CFAP61: variants seen among roughly 807,000 people sequenced by gnomAD.
CFAP61 encodes the protein cilia- and flagella-associated protein 61.
In CFAP61, 107 loss-of-function variants were observed where a neutral mutation model predicts 135.6. The observed-to-expected ratio is 0.79, with a 90% CI of 0.67 to 0.93. CFAP61 has a LOEUF of 0.93. CFAP61 is among the 40% of genes least tolerant of loss of function. The pLI is 0.00. For missense variants in CFAP61, 1,507 were observed against 1,556.2 expected (o/e 0.97, Z 0.53); for synonymous variants, 575 against 578.5 (o/e 0.99, Z 0.09).
At chr20:20,121,454 T>C (rs6046636) in intron 8 of CFAP61, among the ~76,000 whole-genome samples, 4,470 of 152,084 alleles carry the variant, frequency 0.029, 186 homozygotes, top group African/African-American at 0.089. Context: ...AAATTCATTG[T>C]TATTAATGAT....
In CFAP61 at chr20:20,196,714, C is replaced by T. The variant is rs770326251; in HGVS notation, c.1735C>T (p.Leu579=). Residue 579 remains leucine (L), a synonymous_variant, in exon 16 of 27, where the codon CTG becomes TTG. Transcript: ENST00000245957. ...CACCAAGTTCTTTCTGAAGGAGATCCTGCGTTTAGGCTTTAAATCCTGTCT... is the reference window on the plus strand; with the variant it reads ...CACCAAGTTCTTTCTGAAGGAGATCTTGCGTTTAGGCTTTAAATCCTGTCT... ...HYTKFFLKEI[L]RLGFKSCLYY... is the part of the protein sequence containing the mutation. 6.2e-7 allele frequency: 1 copy of T among 1,614,172 alleles called. No individual in the cohort carries two copies. The highest frequency in any genetic ancestry group is 8.5e-7 in the Non-Finnish European group (1 of 1,180,028).
chr20:20,241,839 A>G (rs2050032966), intron 18 of CFAP61, among the ~76,000 whole-genome samples: 2 of 152,254 alleles, frequency 1.3e-5, no homozygotes, highest in East Asian at 3.9e-4. Context: ...ATAAGAGACA[A>G]GTAATCAGTG....
rs531714002 is a variant in CFAP61 at position 20,354,933 on chromosome 20, GA to G, written c.3514-5276del. 5.1e-3 allele frequency among the ~76,000 whole-genome samples: 761 copies of G among 149,874 alleles called. 15 individuals are homozygous for G. The highest frequency in any genetic ancestry group is 0.018 in the African/African-American group (728 of 40,096). On this transcript the variant is annotated intron_variant, in intron 26 of 26. Coordinates refer to ENST00000245957, the MANE Select transcript of CFAP61 (RefSeq NM_015585.4). Reference sequence around the variant, plus strand: ...CTGAGGGGAGGTGGTCACACTGTGAGAGGGGAGGTGGTCACACTGAGGGGAA... The same window carrying G: ...CTGAGGGGAGGTGGTCACACTGTGAGGGGGAGGTGGTCACACTGAGGGGAA...
intron 8 of CFAP61, among the ~76,000 whole-genome samples, chr20:20,129,544 T>C (rs972555236): frequency 1.6e-4 from 25 of 151,644 alleles, no homozygotes; most frequent in Non-Finnish European, 3.2e-4. Context: ...GGAGTCTTAT[T>C]TGAGTCACAT....
chr20:20,296,130 C>CCCTCTTTTCCTTCCATCTTTCCTTT (rs1569259631), intron 24 of CFAP61, among the ~76,000 whole-genome samples: 4 of 898 alleles, frequency 4.5e-3, no homozygotes, highest in Admixed American at 0.017. Flanking sequence ...TTCCTTCCTT[C>CCCTCTTTTCCTTCCATCTTTCCTTT]CTTCCTCCCT....
Position 20,360,162 on chromosome 20 carries a change from G to C in CFAP61, c.3514-48G>C, listed in dbSNP as rs749207802. 3 of 1,386,846 alleles carry C rather than the reference G, an allele frequency of 2.2e-6. No homozygotes were observed. In the East Asian group the frequency reaches 6.9e-5, roughly 32 times the overall value. The allele number at this position is 1,386,846 out of a possible 1,614,324, so 85.9% of individuals were successfully genotyped here. A position where few individuals can be genotyped will look rare whatever the true frequency, so the allele number is the denominator to read the frequency against. On this transcript the variant is annotated intron_variant, in intron 26 of 26. Transcript: ENST00000245957. ...CTCATGAAACTGCCGTTACAACTGT[G>C]CAGGGTCCAATTAATTTCTGTATCT... is the stretch of plus-strand genomic sequence containing the variant.
rs2048861310 is a variant in CFAP61, at chr20:20,227,946, T to C, written c.1933-303T>C. On this transcript the variant is annotated intron_variant, in intron 17 of 26. Coordinates refer to ENST00000245957, the MANE Select transcript of CFAP61 (RefSeq NM_015585.4). ...CCTGTCTCCTTGTAGTGTTACTTACTAGTTGTCTCTAATCATTAAGGATCT... is the reference window on the plus strand; with the variant it reads ...CCTGTCTCCTTGTAGTGTTACTTACCAGTTGTCTCTAATCATTAAGGATCT... Among the ~76,000 whole-genome samples the C allele has an allele frequency of 2.0e-5, 3 of 152,354 alleles. No homozygotes were observed. The South Asian group carries it at 6.2e-4, about 32-fold the overall frequency.
rs183767720 is a variant in CFAP61 at position 20,227,720 on chromosome 20, T to C, written c.1933-529T>C. On this transcript the variant is annotated intron_variant, in intron 17 of 26. Transcript: ENST00000245957. ...TTTGCCATTTAATAAATGTTTGCCA[T>C]TTTACAAATATTATTGAGCATCTAC... is the stretch of plus-strand genomic sequence containing the variant. 3.3e-5 allele frequency among the ~76,000 whole-genome samples: 5 copies of C among 152,340 alleles called. No individual in the cohort carries two copies. The East Asian group carries it at 7.7e-4, about 24-fold the overall frequency.
intron 26 of CFAP61, among the ~76,000 whole-genome samples, chr20:20,357,641 AAGTGGTCACACTGAGGG>A (rs2059280499): frequency 2.2e-4 from 1 of 4,508 alleles, no homozygotes. Context: ...CACTGAGGGG[AAGTGGTCACACTGAGGG>A]GAGGTGGTCA....
At chr20:20,116,878 C>T (rs1164222021) in intron 8 of CFAP61, among the ~76,000 whole-genome samples, 1 of 152,050 alleles carries the variant, frequency 6.6e-6, no homozygotes, top group Admixed American at 6.6e-5. Flanking sequence ...ATTTGTTATA[C>T]TCCTGGGCTG....
At chr20:20,075,121 T>C in intron 4 of CFAP61, 68 bp from the exon 5 acceptor site, 1 of 1,434,768 alleles carries the variant, frequency 7.0e-7, no homozygotes, top group Non-Finnish European at 9.8e-7. Flanking sequence ...AGCATTTGTC[T>C]TCATCAAGTG....
chr20:20,280,052 T>C (rs765296060), intron 22 of CFAP61, among the ~76,000 whole-genome samples: 5 of 152,154 alleles, frequency 3.3e-5, no homozygotes, highest in Non-Finnish European at 7.3e-5. Context: ...AAAGATATGT[T>C]GATGTCCTGA....
chr20:20,133,482 T>G (rs756403811), intron 8 of CFAP61, among the ~76,000 whole-genome samples: 1 of 152,158 alleles, frequency 6.6e-6, no homozygotes, highest in Non-Finnish European at 1.5e-5. Flanking sequence ...GGCTTTGAAC[T>G]AACACATGCC....
At chr20:20,239,356 ATTTT>A (rs925938267) in intron 18 of CFAP61, among the ~76,000 whole-genome samples, 1 of 152,182 alleles carries the variant, frequency 6.6e-6, no homozygotes, top group African/African-American at 2.4e-5. Context: ...TGCTGGTGAT[ATTTT>A]CATATAAAGT....
chr20:20,355,803 T>G (rs1363077298), intron 26 of CFAP61, among the ~76,000 whole-genome samples: 1 of 96,790 alleles, frequency 1.0e-5, no homozygotes, highest in African/African-American at 4.5e-5. Flanking sequence ...TGAGGGGAGG[T>G]AGTGACACTG....
intron 25 of CFAP61, among the ~76,000 whole-genome samples, chr20:20,338,864 A>C (rs1269091737): frequency 6.6e-6 from 1 of 152,196 alleles, no homozygotes; most frequent in Non-Finnish European, 1.5e-5. Flanking sequence ...TAATGATCGG[A>C]CTATATCGAC....
chr20:20,052,848 T>C, intron 1 of CFAP61: 1 of 871,628 alleles, frequency 1.1e-6, no homozygotes, highest in Non-Finnish European at 1.8e-6. Flanking sequence ...CTGCAATGCC[T>C]CGAGCATTGC....
intron 8 of CFAP61, among the ~76,000 whole-genome samples, chr20:20,108,978 A>G (rs2048600816): frequency 6.6e-6 from 1 of 152,200 alleles, no homozygotes; most frequent in South Asian, 2.1e-4. Context: ...AGGATAACAA[A>G]CTGCAGTTAC....
chr20:20,057,149 C>G (rs1277141407), intron 2 of CFAP61, among the ~76,000 whole-genome samples: 3 of 149,238 alleles, frequency 2.0e-5, no homozygotes, highest in Non-Finnish European at 4.4e-5. Context: ...AAAGAAGGTT[C>G]CTCAATTTTA....
Sources: allele counts gnomAD v4.1 joint callset (sites outside exome capture counted in the v4.1 genomes callset), GRCh38; gene constraint gnomAD v4.1.1; transcripts MANE v1.5; gene names NCBI Gene and HGNC (gene_info 2026-07-23, HGNC 2026-07-21).